The following FNDC3A variants were observed in gnomAD, a reference collection of about 807,000 sequenced individuals.
FNDC3A encodes fibronectin type III domain containing 3A.
A neutral mutation model predicts 148.9 loss-of-function variants in FNDC3A; 32 were observed. The observed-to-expected ratio is 0.21, with a 90% CI of 0.16 to 0.29. The LOEUF is 0.29. Ranked by LOEUF, FNDC3A falls within the 10% of genes least tolerant of loss-of-function variation. The pLI, the probability that FNDC3A is intolerant of heterozygous loss-of-function variation, is 1.00. For missense variants in FNDC3A, 1,191 were observed against 1,452.8 expected, an observed-to-expected ratio of 0.82 and a Z score of 2.93; for synonymous variants, 472 against 473.6, an observed-to-expected ratio of 1.00 and a Z score of 0.04.
At chr13:48,976,338 C>T (rs1435705307) in intron 1 of FNDC3A, among the ~76,000 whole-genome samples, 161 bp downstream of exon 1, 2 of 152,176 alleles carry the variant, frequency 1.3e-5, no homozygotes, top group African/African-American at 4.8e-5. Flanking sequence ...CCACCCCCTT[C>T]TGTGGGCGCG....
intron 2 of FNDC3A, among the ~76,000 whole-genome samples, chr13:49,036,539 A>G (rs1874505941): frequency 6.6e-6 from 1 of 152,328 alleles, no homozygotes; most frequent in South Asian, 2.1e-4. Context: ...TGTTCAACCT[A>G]TGTTTTTGTA....
intron 14 of FNDC3A, among the ~76,000 whole-genome samples, chr13:49,180,129 T>G (rs921586755): frequency 2.0e-5 from 3 of 151,700 alleles, no homozygotes; most frequent in African/African-American, 7.3e-5. Context: ...TCAATTCTAA[T>G]CCAGTGCCAC....
At chr13:49,004,290 A>G (rs1373597591) in intron 1 of FNDC3A, among the ~76,000 whole-genome samples, 2 of 152,136 alleles carry the variant, frequency 1.3e-5, no homozygotes, top group African/African-American at 4.8e-5. Context: ...CCAGCATTTG[A>G]GTTGCAGGGT....
intron 4 of FNDC3A, among the ~76,000 whole-genome samples, chr13:49,127,648 T>C (rs1275204577): frequency 6.6e-6 from 1 of 152,194 alleles, no homozygotes; most frequent in Non-Finnish European, 1.5e-5. Context: ...TCCCAATCTT[T>C]CCAGAATTGC....
At chr13:49,163,099 G>A (rs1420503298) in intron 8 of FNDC3A, among the ~76,000 whole-genome samples, 2 of 152,212 alleles carry the variant, frequency 1.3e-5, no homozygotes, top group Non-Finnish European at 2.9e-5. Flanking sequence ...GGACCCACTT[G>A]AGGAGGCAGT....
chr13:48,984,066 G>A (rs1490928778), intron 1 of FNDC3A, among the ~76,000 whole-genome samples: 3 of 152,090 alleles, frequency 2.0e-5, no homozygotes, highest in East Asian at 1.9e-4. Context: ...AAATTCATTA[G>A]CCTTCTTATA....
chr13:49,071,541 AT>A (rs563147577), intron 2 of FNDC3A, among the ~76,000 whole-genome samples: 52 of 152,040 alleles, frequency 3.4e-4, no homozygotes, highest in African/African-American at 1.2e-3. Context: ...CACATCTGTT[AT>A]TTTTTTGACA....
intron 8 of FNDC3A, among the ~76,000 whole-genome samples, chr13:49,152,844 G>A (rs1883401287): frequency 6.6e-6 from 1 of 151,298 alleles, no homozygotes; most frequent in African/African-American, 2.4e-5. Context: ...CAAAGGACAT[G>A]AACTCATCAT....
chr13:49,128,056 A>G (rs1170823388), intron 4 of FNDC3A, among the ~76,000 whole-genome samples: 2 of 151,936 alleles, frequency 1.3e-5, no homozygotes, highest in East Asian at 3.9e-4. Context: ...TAATTTTTGT[A>G]TTTTTAGTAG....
chr13:49,143,987 C>G (rs1026716365), intron 7 of FNDC3A, among the ~76,000 whole-genome samples: 1 of 148,026 alleles, frequency 6.8e-6, no homozygotes, highest in African/African-American at 2.5e-5. Context: ...TTTACTACTA[C>G]TACTACTACT....
At position 49,140,351 on chromosome 13, in the gene FNDC3A, T is replaced by A. The variant is rs541598918; in HGVS notation, c.819+1546T>A. On this transcript the variant is annotated intron_variant, in intron 7 of 25. Coordinates refer to ENST00000492622, the MANE Select transcript of FNDC3A (RefSeq NM_001079673.2). ...AACCTGTCTCATAAATAAATAAATA[T>A]ATATATAATTTACAGACAGGAAAAG... Among the ~76,000 whole-genome samples, 18 of 152,070 alleles carry A rather than the reference T, an allele frequency of 1.2e-4. No individual in the cohort carries two copies. The South Asian group carries it at 1.7e-3, about 14-fold the overall frequency.
chr13:49,170,275 C>A (rs1884687374), intron 10 of FNDC3A, among the ~76,000 whole-genome samples: 1 of 151,906 alleles, frequency 6.6e-6, no homozygotes, highest in South Asian at 2.1e-4. Flanking sequence ...TCTAAATCGC[C>A]CATAGTATAA....
rs534665508 is a variant in FNDC3A, at chr13:49,008,094, TGCCGAATCCTAAGTAAA to T, written c.99+1808_99+1824del. ...AGCCTGAAGGAACTCAGTAAATGTT[TGCCGAATCCTAAGTAAA>T]GCACTCAATAAATATTTAAAAGACT... On this transcript the variant is annotated intron_variant, in intron 2 of 25. Coordinates refer to ENST00000492622, the MANE Select transcript of FNDC3A (RefSeq NM_001079673.2). Among the ~76,000 whole-genome samples the T allele has an allele frequency of 1.1e-4, 17 of 152,320 alleles. No homozygotes were observed. In the East Asian group the frequency reaches 3.3e-3, roughly 29 times the overall value.
intron 2 of FNDC3A, among the ~76,000 whole-genome samples, chr13:49,063,865 T>A (rs889235840): frequency 2.0e-5 from 3 of 152,200 alleles, no homozygotes; most frequent in African/African-American, 7.2e-5. Context: ...ATATAATAAT[T>A]CTTCTACTTA....
At chr13:48,975,874 C>A (rs1225011609), upstream of FNDC3A, 1 of 151,258 alleles carries the variant, frequency 6.6e-6, no homozygotes, top group African/African-American at 2.4e-5. Context: ...CGGCGGGGCC[C>A]GCGCAGCCGC....
intron 1 of FNDC3A, among the ~76,000 whole-genome samples, chr13:48,979,711 G>C (rs1281921314): frequency 6.6e-6 from 1 of 152,104 alleles, no homozygotes; most frequent in Non-Finnish European, 1.5e-5. Flanking sequence ...ATATGTGTTT[G>C]TTTGTATGGC....
intron 2 of FNDC3A, among the ~76,000 whole-genome samples, chr13:49,039,272 C>G (rs1177151382): frequency 1.3e-5 from 2 of 152,110 alleles, no homozygotes; most frequent in Admixed American, 6.5e-5. Flanking sequence ...TTGAATAATA[C>G]CAATAATTTT....
chr13:49,063,803 T>G (rs1251071547), intron 2 of FNDC3A, among the ~76,000 whole-genome samples: 2 of 152,168 alleles, frequency 1.3e-5, no homozygotes, highest in African/African-American at 4.8e-5. Context: ...GCTGTTTTTC[T>G]TTTCTCAGTA....
chr13:49,127,839 C>T (rs1312070127), intron 4 of FNDC3A, among the ~76,000 whole-genome samples: 1 of 152,134 alleles, frequency 6.6e-6, no homozygotes, highest in African/African-American at 2.4e-5. Flanking sequence ...CTTTTTCTCA[C>T]TTCCCACATG....
Sources: gnomAD v4.1 joint callset for allele counts (sites outside exome capture counted in the v4.1 genomes callset) on GRCh38, gnomAD v4.1.1 for gene constraint, MANE v1.5 for transcripts, NCBI Gene and HGNC (gene_info 2026-07-23, HGNC 2026-07-21) for gene names.